CLCN7: variants seen among roughly 807,000 people sequenced by gnomAD.
CLCN7 encodes the protein Cl-/H+ antiporter 7, also known as H(+)/Cl(-) exchange transporter 7.
In CLCN7, 60 loss-of-function variants were observed where a neutral mutation model predicts 102.1. The ratio of observed to expected loss-of-function variants is 0.59; its 90% CI spans 0.48 to 0.73. The LOEUF (loss-of-function observed/expected upper bound fraction) is 0.73, where lower values mean the gene tolerates loss of function less well. CLCN7 is among the 30% of genes least tolerant of loss of function. The probability of loss-of-function intolerance (pLI) is 0.00; values close to 1 mark genes in which losing one functional copy is unlikely to be tolerated. For missense variants in CLCN7, 962 were observed against 1,125.7 expected (o/e 0.85, Z 2.08); for synonymous variants, 560 against 490.5 (o/e 1.14, Z -1.87).
In CLCN7 at chr16:1,461,584, G is replaced by A; in HGVS notation, c.285+19C>T. The A allele has an allele frequency of 1.2e-6, 2 of 1,613,370 alleles. No individual in the cohort carries two copies. The highest frequency in any genetic ancestry group is 1.7e-6 in the Non-Finnish European group (2 of 1,179,372). ...GCAGAGGCCGGGTCTCAGGGTCAGG[G>A]GGACAGAAGGACGCCCACCTCATAC... is the stretch of plus-strand genomic sequence containing the variant. On this transcript the variant is annotated intron_variant, in intron 3 of 24. Coordinates refer to ENST00000382745, the MANE Select transcript of CLCN7 (RefSeq NM_001287.6).
rs2038923246 is a variant in CLCN7, at chr16:1,460,802, A to G, written c.484+14T>C. 1 of 1,613,710 alleles carries G rather than the reference A, an allele frequency of 6.2e-7. No homozygotes were observed. The highest frequency in any genetic ancestry group is 1.3e-5 in the African/African-American group (1 of 74,928). On this transcript the variant is annotated intron_variant, in intron 5 of 24. Coordinates refer to ENST00000382745, the MANE Select transcript of CLCN7 (RefSeq NM_001287.6). ...CCCCCTCCCAAGCTGCAGCGGCCGC[A>G]CTGGGAAGGATACTGCCCTTGATGA...
At position 1,450,553 on chromosome 16, in the gene CLCN7, C is replaced by T. The variant is rs368190250; in HGVS notation, c.1561G>A (p.Gly521Arg). ...CCAAAGAGCCGGCCCCAGGCAGCCC[C>T]GATGAGCAGGGACGGGATGAAGACC... ...AGVFIPSLLI[G>R]AAWGRLFGIS... The change falls in exon 17 of 25, where the codon GGG (glycine) becomes AGG (arginine). Residue 521 changes from glycine (G) to arginine (R), a missense_variant. Around this residue, in one of 2 missense-constraint regions of CLCN7, gnomAD observed 799 missense variants for 988.0 expected, o/e 0.81. Coordinates refer to ENST00000382745, the MANE Select transcript of CLCN7 (RefSeq NM_001287.6). 6.8e-6 allele frequency: 11 copies of T among 1,611,544 alleles called. No homozygotes were observed. The highest frequency in any genetic ancestry group is 2.7e-5 in the African/African-American group (2 of 74,916).
Position 1,450,712 on chromosome 16 carries a change from C to T in CLCN7, c.1448-46G>A, listed in dbSNP as rs759353311. On this transcript the variant is annotated intron_variant, in intron 16 of 24. Coordinates refer to ENST00000382745, the MANE Select transcript of CLCN7 (RefSeq NM_001287.6). ...ACGGGGCCTCCACGACTCCCGCCTCCGCAGGACTGCCCTGCCCCGCTGCCC... is the reference window on the plus strand; with the variant it reads ...ACGGGGCCTCCACGACTCCCGCCTCTGCAGGACTGCCCTGCCCCGCTGCCC... 4.4e-5 allele frequency: 55 copies of T among 1,251,338 alleles called. 3 individuals carry two copies. The highest frequency in any genetic ancestry group is 1.6e-4 in the Admixed American group (7 of 44,210). The allele number at this position is 1,251,338 out of a possible 1,614,324, so 77.5% of individuals were successfully genotyped here. A position where few individuals can be genotyped will look rare whatever the true frequency, so the allele number is the denominator to read the frequency against.
rs539543703 is a variant in CLCN7 at position 1,465,059 on chromosome 16, C to T, written c.213+208G>A. Among the ~76,000 whole-genome samples the T allele has an allele frequency of 4.2e-4, 64 of 152,306 alleles. No individual in the cohort carries two copies. In the Middle Eastern group the frequency reaches 0.014, roughly 32 times the overall value. On this transcript the variant is annotated intron_variant, in intron 2 of 24. Coordinates refer to ENST00000382745, the MANE Select transcript of CLCN7 (RefSeq NM_001287.6). ...CACTGCTGTCCTGACCGGCTTCCTG[C>T]GCCCTGCACTCCTCCGTCTGAGAGC...
chr16:1,459,253 C>T, intron 6 of CLCN7, 66 bp from the exon 7 acceptor site: 1 of 1,352,316 alleles, frequency 7.4e-7, no homozygotes, highest in Non-Finnish European at 1.1e-6. Flanking sequence ...CCCCTCAGCC[C>T]CAGGAGCCCC....
At chr16:1,453,930 AG>A (rs2142376423) in intron 13 of CLCN7, 36 bp from the exon 14 acceptor site, 1 of 1,610,446 alleles carries the variant, frequency 6.2e-7, no homozygotes. Context: ...GCGACACCGG[AG>A]GAAAAGTGCG....
At chr16:1,453,490 C>T (rs995285417) in intron 14 of CLCN7, among the ~76,000 whole-genome samples, 2 of 152,212 alleles carry the variant, frequency 1.3e-5, no homozygotes, top group South Asian at 2.1e-4. Flanking sequence ...AGCCGGGGGG[C>T]CCCGGTGTCC....
intron 1 of CLCN7, among the ~76,000 whole-genome samples, chr16:1,468,659 G>A (rs1225956776): frequency 6.6e-6 from 1 of 152,110 alleles, no homozygotes; most frequent in Non-Finnish European, 1.5e-5. Context: ...CGAGACTCGG[G>A]CCGGACGGGA....
intron 14 of CLCN7, 37 bp downstream of exon 14, chr16:1,453,797 G>A (rs371072085): frequency 1.1e-4 from 177 of 1,602,882 alleles, no homozygotes; most frequent in Non-Finnish European, 1.2e-4. Context: ...GTGTGGCCAC[G>A]CCTGCCAACG....
intron 24 of CLCN7, 119 bp from the exon 25 acceptor site, chr16:1,446,836 GCC>G (rs1270201372): frequency 8.8e-7 from 1 of 1,135,266 alleles, no homozygotes; most frequent in Non-Finnish European, 1.3e-6. Context: ...CTTCAGCACA[GCC>G]CCCGAGCTGA....
intron 21 of CLCN7, 51 bp downstream of exon 21, chr16:1,448,304 G>C (rs1371202939): frequency 1.1e-5 from 18 of 1,605,574 alleles, no homozygotes; most frequent in African/African-American, 2.7e-5. Flanking sequence ...CCCACCAATG[G>C]ACTCGACAGA....
chr16:1,473,370 C>CTTTTTTTTTTTT (rs779736867), intron 1 of CLCN7, among the ~76,000 whole-genome samples: 1 of 76,682 alleles, frequency 1.3e-5, no homozygotes, highest in African/African-American at 5.8e-5. Flanking sequence ...CCTTCCTAAA[C>CTTTTTTTTTTTT]TTTTTTTTTT....
At position 1,455,211 on chromosome 16, in the gene CLCN7, C is replaced by T. The variant is rs1314588897; in HGVS notation, c.1021G>A (p.Val341Ile). 9 of 1,613,680 alleles carry T rather than the reference C, an allele frequency of 5.6e-6. No individual in the cohort carries two copies. The highest frequency in any genetic ancestry group is 7.6e-6 in the Non-Finnish European group (9 of 1,179,826). The change falls in exon 12 of 25, where the codon GTT becomes ATT. Residue 341 changes from valine (V) to isoleucine (I), a missense_variant. Val to Ile is a conservative substitution (Grantham distance 29). Transcript: ENST00000382745. ...SMISTFTLNF[V>I]LSIYHGNMWD... ...ATGTTCCCGTGGTAAATGCTCAGAA[C>T]AAAATTCAGGGTGAACGTGGAGATC...
Position 1,460,800 on chromosome 16 carries a change from G to C in CLCN7, c.484+16C>G. On this transcript the variant is annotated intron_variant, in intron 5 of 24. Coordinates refer to ENST00000382745, the MANE Select transcript of CLCN7 (RefSeq NM_001287.6). ...GCCCCCCTCCCAAGCTGCAGCGGCC[G>C]CACTGGGAAGGATACTGCCCTTGAT... 7.4e-6 allele frequency: 12 copies of C among 1,613,880 alleles called. No individual in the cohort carries two copies. The highest frequency in any genetic ancestry group is 1.0e-5 in the Non-Finnish European group (12 of 1,179,944).
intron 1 of CLCN7, among the ~76,000 whole-genome samples, chr16:1,471,167 G>T (rs181560193): frequency 6.6e-6 from 1 of 152,078 alleles, no homozygotes; most frequent in African/African-American, 2.4e-5. Flanking sequence ...GGCTTTCAGC[G>T]GGCACCCAGC....
At chr16:1,467,216 C>T (rs1000729201) in intron 1 of CLCN7, among the ~76,000 whole-genome samples, 3 of 152,180 alleles carry the variant, frequency 2.0e-5, no homozygotes, top group Admixed American at 6.5e-5. Context: ...CAGACAGACT[C>T]GCAGGTGTCT....
chr16:1,469,099 G>A (rs111993956), intron 1 of CLCN7, among the ~76,000 whole-genome samples: 3 of 151,070 alleles, frequency 2.0e-5, no homozygotes, highest in Non-Finnish European at 3.0e-5. Flanking sequence ...CCAGCTACTC[G>A]GGAGGCTAAG....
chr16:1,462,410 T>C (rs1476271929), intron 2 of CLCN7, among the ~76,000 whole-genome samples: 1 of 129,614 alleles, frequency 7.7e-6, no homozygotes, highest in African/African-American at 2.9e-5. Context: ...ACAGTCACTC[T>C]TTTTGCCCAG....
chr16:1,454,300 G>A (rs552506907), intron 13 of CLCN7, 111 bp downstream of exon 13: 3 of 1,143,688 alleles, frequency 2.6e-6, no homozygotes, highest in East Asian at 2.4e-5. Flanking sequence ...GGTGGCCCTG[G>A]GATGAGGGCA....
Sources: gnomAD v4.1 joint callset for allele counts (sites outside exome capture counted in the v4.1 genomes callset) on GRCh38, gnomAD v4.1.1 for gene constraint, gnomAD v4.1.1 regional missense constraint, MANE v1.5 for transcripts, NCBI Gene and HGNC (gene_info 2026-07-23, HGNC 2026-07-21) for gene names.